The following AFF1 variants were observed in gnomAD, a reference collection of about 807,000 sequenced individuals.
AFF1 encodes the protein ALF transcription elongation factor 1.
Under a neutral mutation model 121.7 loss-of-function variants are expected in AFF1, and 48 were observed. That is an observed-to-expected ratio of 0.39 (90% confidence interval 0.31 to 0.50). The LOEUF (loss-of-function observed/expected upper bound fraction) is 0.50. Ranked by LOEUF, AFF1 falls within the 20% of genes least tolerant of loss-of-function variation. The probability of loss-of-function intolerance (pLI) is 0.76; values close to 1 mark genes in which losing one functional copy is unlikely to be tolerated. For missense variants in AFF1, 1,523 were observed against 1,511.7 expected (o/e 1.01, Z -0.12); for synonymous variants, 613 against 563.0 (o/e 1.09, Z -1.26).
chr4:87,108,446 C>A, intron 11 of AFF1, 131 bp downstream of exon 11: 1 of 973,642 alleles, frequency 1.0e-6, no homozygotes, highest in Non-Finnish European at 1.5e-6. Flanking sequence ...TGCTTTCCTG[C>A]TCCTATGCTG....
Position 86,940,952 on chromosome 4 carries a change from G to A in AFF1, c.-37+5712G>A, listed in dbSNP as rs1315140147. On this transcript the variant is annotated intron_variant, in intron 1 of 20. Transcript: ENST00000395146. ...AAAATACAAAAATTAGCCGGGTATT[G>A]TGTTGGACACCTGTAATCCCAGCTA... is the stretch of plus-strand genomic sequence containing the variant. Among the ~76,000 whole-genome samples the A allele has an allele frequency of 3.3e-5, 5 of 151,658 alleles. No individual in the cohort carries two copies. In the East Asian group the frequency reaches 7.9e-4, roughly 24 times the overall value.
intron 12 of AFF1, 32 bp downstream of exon 12, chr4:87,115,331 G>GT (rs1271801874): frequency 6.6e-7 from 1 of 1,519,090 alleles, no homozygotes; most frequent in African/African-American, 1.4e-5. Context: ...TGACTCCAGC[G>GT]TGGACCATCC....
intron 2 of AFF1, among the ~76,000 whole-genome samples, chr4:87,004,878 G>A (rs1364470713): frequency 6.6e-6 from 1 of 150,874 alleles, no homozygotes; most frequent in African/African-American, 2.5e-5. Context: ...AACTCTGTAA[G>A]TGTTAGTTTC....
chr4:86,940,473 C>T (rs1021158279), intron 1 of AFF1, among the ~76,000 whole-genome samples: 19 of 152,164 alleles, frequency 1.2e-4, no homozygotes, highest in Non-Finnish European at 2.1e-4. Flanking sequence ...GCAATCTTGT[C>T]TCACTGCAAC....
intron 4 of AFF1, among the ~76,000 whole-genome samples, chr4:87,079,130 C>G (rs1366725220): frequency 6.6e-6 from 1 of 151,886 alleles, no homozygotes; most frequent in Non-Finnish European, 1.5e-5. Flanking sequence ...CAGCACATTG[C>G]CTTTGTGCTC....
chr4:86,973,715 TTTTC>T (rs374982932), intron 2 of AFF1: 22 of 152,252 alleles, frequency 1.4e-4, no homozygotes, highest in African/African-American at 5.1e-4. Flanking sequence ...GTTTTCTTTC[TTTTC>T]TTTTCTTTTT....
intron 8 of AFF1, among the ~76,000 whole-genome samples, chr4:87,101,671 G>T (rs1725447346): frequency 6.6e-6 from 1 of 152,040 alleles, no homozygotes; most frequent in African/African-American, 2.4e-5. Context: ...CCTATCCCCG[G>T]ATCAGTTTCA....
At chr4:87,009,224 TGTTA>T (rs2149532856) in intron 2 of AFF1, among the ~76,000 whole-genome samples, 1 of 152,366 alleles carries the variant, frequency 6.6e-6, no homozygotes, top group African/African-American at 2.4e-5. Flanking sequence ...TATCCACATT[TGTTA>T]GTTGAGGAAA....
At chr4:87,074,656 A>G (rs979029304) in intron 4 of AFF1, among the ~76,000 whole-genome samples, 2 of 152,244 alleles carry the variant, frequency 1.3e-5, no homozygotes, top group African/African-American at 4.8e-5. Flanking sequence ...ATATTGTCAT[A>G]ATATGTACTG....
At chr4:87,022,638 G>GTA (rs1366913502) in intron 2 of AFF1, among the ~76,000 whole-genome samples, 9 of 66,642 alleles carry the variant, frequency 1.4e-4, no homozygotes, top group South Asian at 1.2e-3. Context: ...ATATGTGCGT[G>GTA]TATATATGTG....
At chr4:87,043,454 G>C (rs774952038) in intron 2 of AFF1, among the ~76,000 whole-genome samples, 9 of 152,208 alleles carry the variant, frequency 5.9e-5, no homozygotes, top group Middle Eastern at 3.2e-3. Flanking sequence ...GAAGGAAAAA[G>C]TGATTTCCTA....
chr4:86,980,646 C>T (rs1723660243), intron 2 of AFF1, among the ~76,000 whole-genome samples: 2 of 151,976 alleles, frequency 1.3e-5, no homozygotes, highest in African/African-American at 4.8e-5. Context: ...ATAATGCTAC[C>T]TTTAGTAAGG....
chr4:86,939,450 C>A (rs1720295928), intron 1 of AFF1, among the ~76,000 whole-genome samples: 1 of 152,114 alleles, frequency 6.6e-6, no homozygotes, highest in South Asian at 2.1e-4. Flanking sequence ...GGAATAAAAA[C>A]AAGTATTTTC....
Position 87,125,044 on chromosome 4 carries a change from C to G in AFF1, c.2474C>G (p.Ala825Gly). 1.9e-6 allele frequency: 3 copies of G among 1,601,660 alleles called. No homozygotes were observed. The highest frequency in any genetic ancestry group is 2.6e-6 in the Non-Finnish European group (3 of 1,173,360). ...CTGATTATACTGTAATAGGGTGAAG[C>G]AGAAAGAGACTGTGATAACAAGAAA... ...SKLAKKRKGE[A>G]ERDCDNKKIR... Residue 825 changes from alanine to glycine, a missense_variant, in exon 13 of 21, where the codon GCA (alanine) becomes GGA (glycine). Physicochemically the swap from Ala to Gly is moderately conservative, Grantham distance 60. Transcript: ENST00000395146.
In AFF1 at chr4:87,125,232, GA is replaced by G. The variant is rs1007109159; in HGVS notation, c.2573+91del. On this transcript the variant is annotated intron_variant, in intron 13 of 20. Transcript: ENST00000395146. ...GCAAAGAAATTTTTCTTCTGCACTA[GA>G]ATCAGTGGATTAATAAACTCAAGCT... 3 of 862,550 alleles carry G rather than the reference GA, an allele frequency of 3.5e-6. No homozygotes were observed. In the African/African-American group the frequency reaches 5.2e-5, roughly 15 times the overall value. The allele number at this position is 862,550 out of a possible 1,614,324, so 53.4% of individuals were successfully genotyped here.
intron 4 of AFF1, among the ~76,000 whole-genome samples, chr4:87,069,110 A>T (rs1721692569): frequency 6.6e-6 from 1 of 152,076 alleles, no homozygotes; most frequent in Non-Finnish European, 1.5e-5. Context: ...AGGGGCTAAC[A>T]TGGAAGAAGA....
intron 13 of AFF1, among the ~76,000 whole-genome samples, chr4:87,125,466 CAG>C (rs917179863): frequency 2.0e-5 from 3 of 152,000 alleles, no homozygotes; most frequent in Admixed American, 2.0e-4. Context: ...AACAAACACA[CAG>C]AGAAAATGAC....
chr4:87,022,676 ATGTG>A (rs1172444439), intron 2 of AFF1, among the ~76,000 whole-genome samples: 231 of 143,604 alleles, frequency 1.6e-3, no homozygotes, highest in African/African-American at 5.6e-3. Flanking sequence ...GTGTATATAT[ATGTG>A]TGTGTATGTA....
At chr4:86,963,011 C>A (rs1200884661) in intron 2 of AFF1, among the ~76,000 whole-genome samples, 1 of 151,512 alleles carries the variant, frequency 6.6e-6, no homozygotes, top group African/African-American at 2.4e-5. Context: ...TCAGGAAATA[C>A]AAAAATTAGC....
Sources: gnomAD v4.1 joint callset for allele counts (sites outside exome capture counted in the v4.1 genomes callset) on GRCh38, gnomAD v4.1.1 for gene constraint, MANE v1.5 for transcripts, NCBI Gene and HGNC (gene_info 2026-07-23, HGNC 2026-07-21) for gene names.